RORA: variants seen among roughly 807,000 people sequenced by gnomAD.
RORA encodes the protein RAR related orphan receptor A, also known as nuclear receptor ROR-alpha.
In RORA, 7 loss-of-function variants were observed where a neutral mutation model predicts 69.5. The observed-to-expected ratio is 0.10, with a 90% CI of 0.06 to 0.19. The LOEUF is 0.19. Ranked by LOEUF, RORA falls within the 10% of genes least tolerant of loss-of-function variation. The pLI, the probability that RORA is intolerant of heterozygous loss-of-function variation, is 1.00. For missense variants in RORA, 457 were observed against 663.0 expected, an observed-to-expected ratio of 0.69 and a Z score of 3.41; for synonymous variants, 261 against 240.8, an observed-to-expected ratio of 1.08 and a Z score of -0.78.
chr15:61,169,643 GAAA>G (rs59638048), intron 1 of RORA, among the ~76,000 whole-genome samples: 42 of 86,288 alleles, frequency 4.9e-4, no homozygotes, highest in African/African-American at 1.5e-3. Flanking sequence ...CCATTTTCAT[GAAA>G]AAAAAAAAAA....
chr15:61,166,668 T>G (rs1350960554), intron 1 of RORA, among the ~76,000 whole-genome samples: 1 of 152,046 alleles, frequency 6.6e-6, no homozygotes, highest in Non-Finnish European at 1.5e-5. Flanking sequence ...AGGTCATCTT[T>G]CCAAAAGTCA....
chr15:61,161,511 G>A (rs1408306243), intron 1 of RORA, among the ~76,000 whole-genome samples: 2 of 152,144 alleles, frequency 1.3e-5, no homozygotes, highest in African/African-American at 2.4e-5. Context: ...AGAACGTAAT[G>A]AAATAATGTA....
intron 1 of RORA, among the ~76,000 whole-genome samples, chr15:61,228,732 C>T (rs1175901800): frequency 6.6e-6 from 1 of 152,004 alleles, no homozygotes; most frequent in Non-Finnish European, 1.5e-5. Context: ...TTTGGGGGAG[C>T]GTATTTAATT....
intron 1 of RORA, among the ~76,000 whole-genome samples, chr15:61,100,385 A>G (rs1172214386): frequency 6.6e-6 from 1 of 152,166 alleles, no homozygotes; most frequent in East Asian, 1.9e-4. Context: ...CTCCCAAAGT[A>G]CGAGGATTAC....
At chr15:61,188,495 T>A (rs2079765947) in intron 1 of RORA, among the ~76,000 whole-genome samples, 1 of 152,194 alleles carries the variant, frequency 6.6e-6, no homozygotes, top group Non-Finnish European at 1.5e-5. Context: ...TTAAAAATTC[T>A]AATGGAAAAC....
intron 1 of RORA, among the ~76,000 whole-genome samples, chr15:61,085,663 C>T (rs2078614580): frequency 6.6e-6 from 1 of 152,148 alleles, no homozygotes; most frequent in Admixed American, 6.5e-5. Context: ...TGCTCTATTC[C>T]CAGGATGGCA....
intron 1 of RORA, among the ~76,000 whole-genome samples, chr15:60,875,889 G>A (rs1384453772): frequency 1.3e-5 from 2 of 152,158 alleles, no homozygotes; most frequent in Non-Finnish European, 1.5e-5. Context: ...TTTTTCACCT[G>A]ATGGCAGGCT....
chr15:60,977,330 G>A lies in RORA; in HGVS notation c.166+251723C>T, dbSNP rs1008551831. 1.4e-4 allele frequency among the ~76,000 whole-genome samples: 21 copies of A among 152,012 alleles called. No homozygotes were observed. In the South Asian group the frequency reaches 1.5e-3, roughly 11 times the overall value. ...ACGAAATCACAAACACATGTCAGTC[G>A]TCAGTTTAACAAAGGATCCTCTGTT... On this transcript the variant is annotated intron_variant, in intron 1 of 10. Transcript: ENST00000335670.
intron 1 of RORA, among the ~76,000 whole-genome samples, chr15:60,967,928 C>T (rs759521927): frequency 1.1e-4 from 17 of 152,180 alleles, no homozygotes; most frequent in African/African-American, 3.9e-4. Context: ...CACAGAGCCC[C>T]TTATCAAACT....
At chr15:61,180,172 A>C (rs530537257) in intron 1 of RORA, among the ~76,000 whole-genome samples, 19 of 151,666 alleles carry the variant, frequency 1.3e-4, no homozygotes, top group African/African-American at 4.4e-4. Flanking sequence ...AAAAAAGACA[A>C]AACTGTAGAG....
At position 60,670,433 on chromosome 15, in the gene RORA, C is replaced by G. The variant is rs149633549; in HGVS notation, c.196+8224G>C. On this transcript the variant is annotated intron_variant, in intron 2 of 10. Transcript: ENST00000335670. ...CCATGTTGGCCAGGCTAGTCTCAAA[C>G]TCTTGACCTTCAGTGATCCGCCCGT... Among the ~76,000 whole-genome samples, 1,421 of 152,216 alleles carry G rather than the reference C, an allele frequency of 9.3e-3. 9 individuals carry two copies. Among genetic ancestry groups the G allele is most frequent in the Middle Eastern group, 0.024 (7 of 294 alleles).
intron 1 of RORA, among the ~76,000 whole-genome samples, chr15:60,700,486 C>A (rs907082478): frequency 6.6e-6 from 1 of 152,182 alleles, no homozygotes; most frequent in African/African-American, 2.4e-5. Flanking sequence ...ATTTTTAACT[C>A]ATTCCTCAAA....
chr15:61,203,272 A>G (rs989584504), intron 1 of RORA, among the ~76,000 whole-genome samples: 3 of 152,228 alleles, frequency 2.0e-5, no homozygotes, highest in African/African-American at 7.2e-5. Flanking sequence ...AAATTCAATA[A>G]GAGGCAAAAC....
chr15:60,562,479 A>G (rs937002315), intron 2 of RORA, among the ~76,000 whole-genome samples: 6 of 150,762 alleles, frequency 4.0e-5, no homozygotes, highest in Admixed American at 2.6e-4. Context: ...TCTGTCGCCC[A>G]GGCTGGAGTG....
chr15:60,519,664 G>A (rs1011094924), intron 3 of RORA, among the ~76,000 whole-genome samples: 2 of 152,020 alleles, frequency 1.3e-5, no homozygotes, highest in Admixed American at 6.5e-5. Flanking sequence ...GCTTCCTACC[G>A]CCCAGACATT....
chr15:60,905,062 G>A lies in RORA; in HGVS notation c.167-226376C>T, dbSNP rs1482037726. On this transcript the variant is annotated intron_variant, in intron 1 of 10. Coordinates refer to ENST00000335670, the MANE Select transcript of RORA (RefSeq NM_134261.3). This position sits in a 1 kb window ranked among gnomAD's most constrained non-coding sequence, Gnocchi z 4.8. ...CAAACGGGTGAGGGCTTGAGGCTCT[G>A]GGGGCGCTCGTCTTTAATGTTAATG... Among the ~76,000 whole-genome samples, 2 of 152,176 alleles carry A rather than the reference G, an allele frequency of 1.3e-5. No homozygotes were observed. The highest frequency in any genetic ancestry group is 2.9e-5 in the Non-Finnish European group (2 of 68,028).
intron 2 of RORA, among the ~76,000 whole-genome samples, chr15:60,637,598 C>T (rs547268915): frequency 2.0e-5 from 3 of 151,962 alleles, no homozygotes; most frequent in South Asian, 2.1e-4. Flanking sequence ...ATTTGTTATA[C>T]GGCGTGAAAA....
Position 60,537,060 on chromosome 15 carries a change from A to AT in RORA, c.197-5210dup. On this transcript the variant is annotated intron_variant, in intron 2 of 10. Coordinates refer to ENST00000335670, the MANE Select transcript of RORA (RefSeq NM_134261.3). The surrounding 1 kb of genome is among the most constrained non-coding windows in gnomAD (Gnocchi z 4.9). Reference sequence around the variant, plus strand: ...GTAAAATGGCTTGAGTCCTTTATGGATTAGTCACTTTATTTTATCCCCTGT... The same window carrying AT: ...GTAAAATGGCTTGAGTCCTTTATGGATTTAGTCACTTTATTTTATCCCCTGT... 6.6e-6 allele frequency among the ~76,000 whole-genome samples: 1 copy of AT among 152,230 alleles called. No individual in the cohort carries two copies. The highest frequency in any genetic ancestry group is 1.5e-5 in the Non-Finnish European group (1 of 68,034).
Position 61,029,119 on chromosome 15 carries a change from G to A in RORA, c.166+199934C>T, listed in dbSNP as rs192884067. On this transcript the variant is annotated intron_variant, in intron 1 of 10. Coordinates refer to ENST00000335670, the MANE Select transcript of RORA (RefSeq NM_134261.3). The stretch of plus-strand genomic sequence containing the variant: ...TAAAAACACTGAATTATACACTCTA[G>A]ATGGGTGAATTGTGAGGTCTGTGAA... Among the ~76,000 whole-genome samples, 16 of 152,090 alleles carry A rather than the reference G, an allele frequency of 1.1e-4. No homozygotes were observed. In the East Asian group the frequency reaches 2.9e-3, roughly 28 times the overall value.
Sources: gnomAD v4.1 joint callset for allele counts (sites outside exome capture counted in the v4.1 genomes callset) on GRCh38, gnomAD v4.1.1 for gene constraint, Gnocchi (gnomAD v3.1) non-coding constraint, MANE v1.5 for transcripts, NCBI Gene and HGNC (gene_info 2026-07-23, HGNC 2026-07-21) for gene names.